The following LRRC8B variants were observed in gnomAD, a reference collection of about 807,000 sequenced individuals.
LRRC8B encodes the protein leucine rich repeat containing 8 VRAC subunit B, also known as volume-regulated anion channel subunit LRRC8B.
In LRRC8B, 23 loss-of-function variants were observed where a neutral mutation model predicts 58.8. The observed-to-expected ratio is 0.39, with a 90% CI of 0.28 to 0.55. LRRC8B has a LOEUF of 0.55. Among genes scored for constraint, LRRC8B ranks in the 20% least tolerant of loss-of-function variants. The pLI, the probability that LRRC8B is intolerant of heterozygous loss-of-function variation, is 0.62. For synonymous variants in LRRC8B, 359 were observed against 374.1 expected (o/e 0.96, Z 0.47); for missense variants, 694 against 936.0 (o/e 0.74, Z 3.37).
At chr1:89,541,084 T>G (rs571624158) in intron 1 of LRRC8B, among the ~76,000 whole-genome samples, 1 of 152,338 alleles carries the variant, frequency 6.6e-6, no homozygotes, top group South Asian at 2.1e-4. Flanking sequence ...TTATGTCTTC[T>G]GACTGGAAAT....
At chr1:89,550,717 T>C (rs1446363942) in intron 1 of LRRC8B, among the ~76,000 whole-genome samples, 1 of 152,162 alleles carries the variant, frequency 6.6e-6, no homozygotes, top group Non-Finnish European at 1.5e-5. Flanking sequence ...CTCTTCCCTT[T>C]TCCCAGCTCT....
chr1:89,565,485 T>C (rs1370922137), intron 1 of LRRC8B, among the ~76,000 whole-genome samples: 1 of 152,170 alleles, frequency 6.6e-6, no homozygotes, highest in Admixed American at 6.6e-5. Flanking sequence ...ATTTTTCTCC[T>C]TTCTCCCTGA....
At chr1:89,565,924 G>A (rs765244041) in intron 1 of LRRC8B, among the ~76,000 whole-genome samples, 1 of 152,124 alleles carries the variant, frequency 6.6e-6, no homozygotes, top group South Asian at 2.1e-4. Context: ...CTCTGGGTCC[G>A]CCTTTTGCCA....
At chr1:89,548,243 C>CT (rs536825913) in intron 1 of LRRC8B, among the ~76,000 whole-genome samples, 1 of 151,970 alleles carries the variant, frequency 6.6e-6, no homozygotes, top group South Asian at 2.1e-4. Context: ...CAGAATACAT[C>CT]TTTTTTTTAA....
chr1:89,575,152 T>C (rs1653751297), intron 3 of LRRC8B, among the ~76,000 whole-genome samples: 1 of 152,142 alleles, frequency 6.6e-6, no homozygotes, highest in African/African-American at 2.4e-5. Context: ...TAGACTGTGG[T>C]GGACTAAGCA....
chr1:89,561,820 G>A (rs1296538653), intron 1 of LRRC8B, among the ~76,000 whole-genome samples: 1 of 150,830 alleles, frequency 6.6e-6, no homozygotes, highest in Non-Finnish European at 1.5e-5. Context: ...GTCAGGTAGT[G>A]TGATTCCTCC....
chr1:89,577,154 G>C (rs1653915135), intron 3 of LRRC8B, among the ~76,000 whole-genome samples: 1 of 152,184 alleles, frequency 6.6e-6, no homozygotes, highest in Non-Finnish European at 1.5e-5. Flanking sequence ...TATAATCCCT[G>C]CCTGGGGTCA....
At chr1:89,564,713 A>T (rs1652921586) in intron 1 of LRRC8B, among the ~76,000 whole-genome samples, 1 of 152,164 alleles carries the variant, frequency 6.6e-6, no homozygotes, top group Non-Finnish European at 1.5e-5. Flanking sequence ...ATCAAATCAG[A>T]TATTGGTGAT....
chr1:89,541,929 A>G (rs1435898157), intron 1 of LRRC8B, among the ~76,000 whole-genome samples: 1 of 152,090 alleles, frequency 6.6e-6, no homozygotes, highest in Non-Finnish European at 1.5e-5. Context: ...AATTTTCCTG[A>G]TAATTTTAGT....
chr1:89,589,377 T>C (rs1188741054), intron 5 of LRRC8B, among the ~76,000 whole-genome samples: 1 of 152,118 alleles, frequency 6.6e-6, no homozygotes, highest in Non-Finnish European at 1.5e-5. Context: ...TGGGTGGACA[T>C]GGAAGGTGGG....
Position 89,589,768 on chromosome 1 carries a change from G to GAA in LRRC8B, c.2140-2988_2140-2987dup, listed in dbSNP as rs71084952. On this transcript the variant is annotated intron_variant, in intron 5 of 5. Transcript: ENST00000330947. ...CTGAGATGGCATGTGTCAGTGGCCA[G>GAA]AAAAAAAAAAAAAAAAGGAAATCTG... Among the ~76,000 whole-genome samples, 73 of 97,980 alleles carry GAA rather than the reference G, an allele frequency of 7.5e-4. 1 individual carries two copies. Among genetic ancestry groups the GAA allele is most frequent in the South Asian group, 9.5e-4 (3 of 3,142 alleles). 64.3% of individuals were successfully genotyped at this position (97,980 alleles called of 152,430 possible). A position where few individuals can be genotyped will look rare whatever the true frequency, so the allele number is the denominator to read the frequency against.
In LRRC8B at chr1:89,592,798, C is replaced by A. The variant is rs1272578970; in HGVS notation, c.2167C>A (p.Gln723Lys). The change falls in exon 6 of 6, where the codon CAG (glutamine) becomes AAG (lysine). Residue 723 changes from glutamine to lysine, a missense_variant. Gln to Lys is a moderately conservative substitution (Grantham distance 53). Transcript: ENST00000330947. ...TGAGATGCTACCAGATGGGCTGTTT[C>A]AGTGCAAAAAGCTGCAGTGTTTACT... ...NIEMLPDGLFQCKKLQCLLLG... is the reference protein window; with the variant it reads ...NIEMLPDGLFKCKKLQCLLLG... The A allele has an allele frequency of 6.2e-7, 1 of 1,612,930 alleles. No individual in the cohort carries two copies. The highest frequency in any genetic ancestry group is 8.5e-7 in the Non-Finnish European group (1 of 1,179,828).
chr1:89,583,745 CTT>C lies in LRRC8B; in HGVS notation c.1097_1098del (p.Phe366CysfsTer8). 6.2e-7 allele frequency: 1 copy of C among 1,614,164 alleles called. No individual in the cohort carries two copies. On this transcript the variant is annotated frameshift_variant, in exon 5 of 6. Coordinates refer to ENST00000330947, the MANE Select transcript of LRRC8B (RefSeq NM_001369817.2). LOFTEE classifies it high-confidence loss of function. This position sits in a 1 kb window ranked among gnomAD's most constrained non-coding sequence, Gnocchi z 5.2. Reference sequence around the variant, plus strand: ...GTGACATCCCTGATGTCAAGAATGACTTTGCCTTCATCCTTCATCTGGCTGAT... The same window carrying C: ...GTGACATCCCTGATGTCAAGAATGACTGCCTTCATCCTTCATCTGGCTGAT... Reference protein sequence around the residue: ...YSDIPDVKNDFAFILHLADQY... With the variant: ...YSDIPDVKNDXAFILHLADQY...
At chr1:89,590,310 G>C (rs1654896803) in intron 5 of LRRC8B, among the ~76,000 whole-genome samples, 1 of 152,244 alleles carries the variant, frequency 6.6e-6, no homozygotes, top group Non-Finnish European at 1.5e-5. Context: ...AAAGCTGTAA[G>C]TAGATTTTTC....
In LRRC8B at chr1:89,582,679, T is replaced by C; in HGVS notation, c.29T>C (p.Leu10Ser). 6.2e-7 allele frequency: 1 copy of C among 1,613,918 alleles called. No homozygotes were observed. The highest frequency in any genetic ancestry group is 8.5e-7 in the Non-Finnish European group (1 of 1,179,796). Reference protein sequence around the residue: MITLTELKCLADAQSSYHIL... With the variant: MITLTELKCSADAQSSYHIL... The stretch of plus-strand genomic sequence containing the variant: ...ATTACACTAACTGAGCTAAAATGCT[T>C]AGCAGATGCCCAGTCATCTTATCAC... Residue 10 changes from leucine (L) to serine (S), a missense_variant, in exon 5 of 6, where the codon TTA becomes TCA. By Grantham distance (145) the Leu-to-Ser change is moderately radical. Transcript: ENST00000330947.
intron 3 of LRRC8B, among the ~76,000 whole-genome samples, chr1:89,578,642 T>G (rs757757883): frequency 1.1e-4 from 17 of 152,190 alleles, no homozygotes; most frequent in Non-Finnish European, 2.1e-4. Context: ...TAAAAGATTA[T>G]TGCTAAAAGT....
At chr1:89,541,852 C>G (rs1651021200) in intron 1 of LRRC8B, among the ~76,000 whole-genome samples, 1 of 151,148 alleles carries the variant, frequency 6.6e-6, no homozygotes, top group Non-Finnish European at 1.5e-5. Context: ...TCTACTCTAC[C>G]ACATGCCTGA....
chr1:89,584,184 C>G lies in LRRC8B; in HGVS notation c.1534C>G (p.Leu512Val). Residue 512 changes from leucine (L) to valine (V), a missense_variant, in exon 5 of 6, where the codon CTC (leucine) becomes GTC (valine). Coordinates refer to ENST00000330947, the MANE Select transcript of LRRC8B (RefSeq NM_001369817.2). ...ACGCTGGGTATTTCACCTCAAGAAT[C>G]TCAAGGAACTTTATCTTTCGGGCTG... ...IPRWVFHLKN[L>V]KELYLSGCVL... 2 of 1,611,414 alleles carry G rather than the reference C, an allele frequency of 1.2e-6. No individual in the cohort carries two copies. The highest frequency in any genetic ancestry group is 2.2e-5 in the South Asian group (2 of 91,086).
chr1:89,529,172 C>T (rs1570545100), intron 1 of LRRC8B, among the ~76,000 whole-genome samples: 2 of 152,130 alleles, frequency 1.3e-5, no homozygotes, highest in South Asian at 2.1e-4. Context: ...TAGTATCTGG[C>T]GTAAAACATG....
Sources: gnomAD v4.1 joint callset for allele counts (sites outside exome capture counted in the v4.1 genomes callset) on GRCh38, gnomAD v4.1.1 for gene constraint, Gnocchi (gnomAD v3.1) non-coding constraint, MANE v1.5 for transcripts, NCBI Gene and HGNC (gene_info 2026-07-23, HGNC 2026-07-21) for gene names.